NACAD: variants seen among roughly 807,000 people sequenced by gnomAD.
NACAD encodes NAC alpha domain containing.
In NACAD, 47 loss-of-function variants were observed where a neutral mutation model predicts 98.9. The observed-to-expected ratio is 0.48, with a 90% CI of 0.38 to 0.61. The LOEUF (loss-of-function observed/expected upper bound fraction) is 0.61. NACAD is among the 20% of genes least tolerant of loss of function. The pLI is 0.00. For synonymous variants in NACAD, 696 were observed against 767.2 expected (o/e 0.91, Z 1.53); for missense variants, 1,412 against 1,748.2 (o/e 0.81, Z 3.43).
At chr7:45,087,812 G>A (rs1369166080) in intron 1 of NACAD, among the ~76,000 whole-genome samples, 6 of 152,216 alleles carry the variant, frequency 3.9e-5, no homozygotes, top group African/African-American at 1.4e-4. Flanking sequence ...GCATCACTGG[G>A]TGCCCTGAAG....
At position 45,085,993 on chromosome 7, in the gene NACAD, C is replaced by A. The variant is rs1371153809; in HGVS notation, c.187G>T (p.Ala63Ser). 1 of 1,536,520 alleles carries A rather than the reference C, an allele frequency of 6.5e-7. No homozygotes were observed. The highest frequency in any genetic ancestry group is 8.7e-7 in the Non-Finnish European group (1 of 1,143,214). ...CTGGCTCCCTCGGGCTGGGGCCGGG[C>A]ACCCGGCTTGCTGGGCAGGAACGTG... ...ALTFLPSKPG[A>S]RPQPEGASWD... Residue 63 changes from alanine (A) to serine (S), a missense_variant, in exon 2 of 8, where the codon GCC becomes TCC. Physicochemically the swap from Ala to Ser is moderately conservative, Grantham distance 99. Transcript: ENST00000490531. This position sits in a 1 kb window ranked among gnomAD's most constrained non-coding sequence, Gnocchi z 6.1.
At chr7:45,081,695 CA>C in intron 3 of NACAD, 23 bp from the exon 4 acceptor site, 1 of 1,551,388 alleles carries the variant, frequency 6.4e-7, no homozygotes, top group Non-Finnish European at 8.7e-7. Flanking sequence ...GAGGGCTGAG[CA>C]TCCATGGGTG....
At position 45,082,210 on chromosome 7, in the gene NACAD, G is replaced by A; in HGVS notation, c.3970C>T (p.Pro1324Ser). 6.5e-7 allele frequency: 1 copy of A among 1,537,854 alleles called. No individual in the cohort carries two copies. The highest frequency in any genetic ancestry group is 1.2e-5 in the South Asian group (1 of 82,630). Residue 1324 changes from proline (P) to serine (S), a missense_variant, in exon 2 of 8, where the codon CCG (proline) becomes TCG (serine). Around this residue, in one of 5 missense-constraint regions of NACAD, gnomAD observed 572 missense variants for 639.6 expected, o/e 0.89. Coordinates refer to ENST00000490531, the MANE Select transcript of NACAD (RefSeq NM_001146334.2). The surrounding 1 kb of genome is among the most constrained non-coding windows in gnomAD (Gnocchi z 4.5). ...GAGGGAGGAGGCACTTGGCAAGGCG[G>A]CAAGATCTGCAAGGCCAGGTCTTTG... The part of the protein sequence containing the change: ...DAKDLALQIL[P>S]PCQVPPPSGP...
Position 45,085,045 on chromosome 7 carries a change from C to T in NACAD, c.1135G>A (p.Ala379Thr). Reference protein sequence around the residue: ...SITEGMDEAFAFRDDTSAASS... With the variant: ...SITEGMDEAFTFRDDTSAASS... ...GCTGCAGAGGTGTCGTCCCGGAAGG[C>T]AAAAGCCTCGTCCATGCCCTCCGTG... Residue 379 changes from alanine to threonine, a missense_variant, in exon 2 of 8, where the codon GCC (alanine) becomes ACC (threonine). Physicochemically the swap from Ala to Thr is moderately conservative, Grantham distance 58 (BLOSUM62 0). Transcript: ENST00000490531. This position sits in a 1 kb window ranked among gnomAD's most constrained non-coding sequence, Gnocchi z 6.1. 6.4e-7 allele frequency: 1 copy of T among 1,550,940 alleles called. No homozygotes were observed. Among genetic ancestry groups the T allele is most frequent in the Non-Finnish European group, 8.7e-7 (1 of 1,146,864 alleles).
chr7:45,082,971 T>C lies in NACAD; in HGVS notation c.3209A>G (p.Gln1070Arg). The C allele has an allele frequency of 6.4e-7, 1 of 1,551,002 alleles. No homozygotes were observed. The highest frequency in any genetic ancestry group is 8.7e-7 in the Non-Finnish European group (1 of 1,146,986). Residue 1070 changes from glutamine (Q) to arginine (R), a missense_variant, in exon 2 of 8, where the codon CAA (glutamine) becomes CGA (arginine). Coordinates refer to ENST00000490531, the MANE Select transcript of NACAD (RefSeq NM_001146334.2). This position sits in a 1 kb window ranked among gnomAD's most constrained non-coding sequence, Gnocchi z 4.5. ...TGDGAKPDSP[Q>R]KETLEVENQQ... The stretch of plus-strand genomic sequence containing the variant: ...GTTCTCAACCTCCAGGGTCTCCTTT[T>C]GGGGTGAGTCAGGCTTAGCCCCATC...
rs1430016187 is a variant in NACAD, at chr7:45,082,180, G to T, written c.4000C>A (p.Pro1334Thr). 6.6e-7 allele frequency: 1 copy of T among 1,521,964 alleles called. No homozygotes were observed. Among genetic ancestry groups the T allele is most frequent in the South Asian group, 1.3e-5 (1 of 79,060 alleles). 94.3% of individuals were successfully genotyped at this position (1,521,964 alleles called of 1,614,324 possible). Residue 1334 changes from proline to threonine, a missense_variant, in exon 2 of 8, where the codon CCC (proline) becomes ACC (threonine). By Grantham distance (38) the Pro-to-Thr change is conservative. Coordinates refer to ENST00000490531, the MANE Select transcript of NACAD (RefSeq NM_001146334.2). This position sits in a 1 kb window ranked among gnomAD's most constrained non-coding sequence, Gnocchi z 4.5. The part of the protein sequence containing the change: ...PPCQVPPPSG[P>T]QSPAGPQGLS... Reference sequence around the variant, plus strand: ...CCTTGAGGGCCAGCTGGGCTCTGGGGCCCAGAGGGAGGAGGCACTTGGCAA... The same window carrying T: ...CCTTGAGGGCCAGCTGGGCTCTGGGTCCCAGAGGGAGGAGGCACTTGGCAA...
In NACAD at chr7:45,085,035, T is replaced by C; in HGVS notation, c.1145A>G (p.Asp382Gly). 1.3e-6 allele frequency: 2 copies of C among 1,550,676 alleles called. No individual in the cohort carries two copies. Among genetic ancestry groups the C allele is most frequent in the Middle Eastern group, 3.3e-4 (2 of 5,990 alleles). Reference protein sequence around the residue: ...EGMDEAFAFRDDTSAASSDSD... With the variant: ...EGMDEAFAFRGDTSAASSDSD... ...ATCAGAGGAGGCTGCAGAGGTGTCG[T>C]CCCGGAAGGCAAAAGCCTCGTCCAT... The change falls in exon 2 of 8, where the codon GAC becomes GGC. Residue 382 changes from aspartate to glycine, a missense_variant. By Grantham distance (94) the Asp-to-Gly change is moderately conservative. This residue lies in a region of NACAD where 638 missense variants were observed against 722.7 expected (regional missense o/e 0.88). Transcript: ENST00000490531. This position sits in a 1 kb window ranked among gnomAD's most constrained non-coding sequence, Gnocchi z 6.1.
Position 45,084,773 on chromosome 7 carries a change from T to C in NACAD, c.1407A>G (p.Thr469=). Residue 469 remains threonine (T), a synonymous_variant, in exon 2 of 8, where the codon ACA becomes ACG. Transcript: ENST00000490531. ...CCTGGCCTAAAGCAAGGCCCTCTTC[T>C]GTTACTTCTGAGATCAATTCCTGTC... ...SQRQELISEV[T]EEGLALGQES... is the part of the protein sequence containing the mutation. 1.9e-6 allele frequency: 3 copies of C among 1,551,150 alleles called. No individual in the cohort carries two copies. Among genetic ancestry groups the C allele is most frequent in the Non-Finnish European group, 2.6e-6 (3 of 1,146,936 alleles).
At position 45,082,265 on chromosome 7, in the gene NACAD, G is replaced by A. The variant is rs181426702; in HGVS notation, c.3915C>T (p.Leu1305=). 844 of 1,550,652 alleles carry A rather than the reference G, an allele frequency of 5.4e-4. 9 individuals carry two copies. In the African/African-American group the frequency reaches 0.011, roughly 20 times the overall value. Residue 1305 remains leucine, a synonymous_variant, in exon 2 of 8, where the codon CTC becomes CTT. Coordinates refer to ENST00000490531, the MANE Select transcript of NACAD (RefSeq NM_001146334.2). This position sits in a 1 kb window ranked among gnomAD's most constrained non-coding sequence, Gnocchi z 4.5. ...PRVSLSPHSP[L]LSPKVASMDA... ...CCATGGAGGCCACCTTGGGGCTGAG[G>A]AGTGGGGAGTGAGGCGAGAGGCTGA... is the stretch of plus-strand genomic sequence containing the variant.
chr7:45,084,637 C>A lies in NACAD; in HGVS notation c.1543G>T (p.Ala515Ser). 6.4e-7 allele frequency: 1 copy of A among 1,551,544 alleles called. No homozygotes were observed. Among genetic ancestry groups the A allele is most frequent in the East Asian group, 2.4e-5 (1 of 40,910 alleles). Residue 515 changes from alanine to serine, a missense_variant, in exon 2 of 8, where the codon GCT (alanine) becomes TCT (serine). Around this residue, in one of 5 missense-constraint regions of NACAD, gnomAD observed 638 missense variants for 722.7 expected, o/e 0.88. Transcript: ENST00000490531. ...QAGEEETDSTAGQESAAMAMP... is the reference protein window; with the variant it reads ...QAGEEETDSTSGQESAAMAMP... ...GCCATGGCAGCAGATTCTTGTCCAG[C>A]GGTGGAGTCTGTTTCTTCCTCCCCA...
intron 1 of NACAD, among the ~76,000 whole-genome samples, chr7:45,087,777 A>C (rs531353240): frequency 6.6e-6 from 1 of 152,324 alleles, no homozygotes. Context: ...GACACCCAAC[A>C]TCAGGAGTGG....
chr7:45,082,299 C>T lies in NACAD; in HGVS notation c.3881G>A (p.Gly1294Glu), dbSNP rs1000339945. The T allele has an allele frequency of 1.9e-5, 30 of 1,550,606 alleles. No individual in the cohort carries two copies. The highest frequency in any genetic ancestry group is 2.4e-5 in the Non-Finnish European group (27 of 1,146,960). ...VSGTTQPLGT[G>E]PRVSLSPHSP... is the part of the protein sequence containing the mutation. The stretch of plus-strand genomic sequence containing the variant: ...GTGAGGCGAGAGGCTGACTCGCGGC[C>T]CAGTCCCCAGAGGCTGTGTGGTTCC... The change falls in exon 2 of 8, where the codon GGG (glycine) becomes GAG (glutamate). Residue 1294 changes from glycine (G) to glutamate (E), a missense_variant. Physicochemically the swap from Gly to Glu is moderately conservative, Grantham distance 98. This residue lies in a region of NACAD where 572 missense variants were observed against 639.6 expected (regional missense o/e 0.89). Transcript: ENST00000490531. The surrounding 1 kb of genome is among the most constrained non-coding windows in gnomAD (Gnocchi z 4.5).
In NACAD at chr7:45,082,527, CTGGGCTGACCCTTGGCA is replaced by C; in HGVS notation, c.3636_3652del (p.Ala1213HisfsTer10). On this transcript the variant is annotated frameshift_variant, in exon 2 of 8. Transcript: ENST00000490531. LOFTEE classifies it high-confidence loss of function. This position sits in a 1 kb window ranked among gnomAD's most constrained non-coding sequence, Gnocchi z 4.5. ...GCCCAGGGGCCTGTCCACGGGCGTG[CTGGGCTGACCCTTGGCA>C]AGGTTTTCTGGGGGCTGCAGCAAGG... is the stretch of plus-strand genomic sequence containing the variant. 6.5e-7 allele frequency: 1 copy of C among 1,549,330 alleles called. No individual in the cohort carries two copies. Among genetic ancestry groups the C allele is most frequent in the Non-Finnish European group, 8.7e-7 (1 of 1,146,608 alleles).
chr7:45,081,698 C>A (rs373914605), intron 3 of NACAD, 26 bp from the exon 4 acceptor site: 184 of 1,551,200 alleles, frequency 1.2e-4, no homozygotes, highest in Non-Finnish European at 1.6e-4. Flanking sequence ...GGCTGAGCAT[C>A]CATGGGTGGG....
intron 4 of NACAD, 152 bp from the exon 5 acceptor site, chr7:45,081,415 A>G (rs781288558): frequency 1.3e-5 from 16 of 1,275,802 alleles, no homozygotes; most frequent in Non-Finnish European, 1.6e-5. Flanking sequence ...GCCTCAGTCT[A>G]TAAGGGCCTT....
Position 45,088,410 on chromosome 7 carries a change from G to A in NACAD, c.67+418C>T, listed in dbSNP as rs187554937. On this transcript the variant is annotated intron_variant, in intron 1 of 7. Coordinates refer to ENST00000490531, the MANE Select transcript of NACAD (RefSeq NM_001146334.2). This position sits in a 1 kb window ranked among gnomAD's most constrained non-coding sequence, Gnocchi z 5.7. Reference sequence around the variant, plus strand: ...GGCCCAGGACAGACCGGGTGCAACTGAGGACCCTCCCGGTGGTCACCTGAT... The same window carrying A: ...GGCCCAGGACAGACCGGGTGCAACTAAGGACCCTCCCGGTGGTCACCTGAT... Among the ~76,000 whole-genome samples, 52 of 152,278 alleles carry A rather than the reference G, an allele frequency of 3.4e-4. 1 individual carries two copies. The highest frequency in any genetic ancestry group is 3.4e-3 in the Admixed American group (52 of 15,300).
chr7:45,081,672 C>T lies in NACAD; in HGVS notation c.4186G>A (p.Ala1396Thr). ...APQTVQCPAQ[A>T]PAGGSEETIA... ...GTCTCCTCACTGCCGCCTGCTGGGG[C>T]CTGAGAAAAGGTGAGGGCTGAGCAT... Residue 1396 changes from alanine (A) to threonine (T), a missense_variant and splice_region_variant, in exon 4 of 8, where the codon GCC becomes ACC. Coordinates refer to ENST00000490531, the MANE Select transcript of NACAD (RefSeq NM_001146334.2). 6.4e-7 allele frequency: 1 copy of T among 1,551,450 alleles called. No individual in the cohort carries two copies. Among genetic ancestry groups the T allele is most frequent in the Non-Finnish European group, 8.7e-7 (1 of 1,147,002 alleles).
Position 45,088,225 on chromosome 7 carries a change from T to C in NACAD, c.67+603A>G, listed in dbSNP as rs1458147162. Among the ~76,000 whole-genome samples the C allele has an allele frequency of 3.3e-5, 5 of 152,156 alleles. No homozygotes were observed. The highest frequency in any genetic ancestry group is 1.5e-5 in the Non-Finnish European group (1 of 68,014). On this transcript the variant is annotated intron_variant, in intron 1 of 7. Transcript: ENST00000490531. This position sits in a 1 kb window ranked among gnomAD's most constrained non-coding sequence, Gnocchi z 5.7. ...TTTGTTGACCCAGCCTAAGGACAGG[T>C]GGTCTGCACACCCAGGGCCATTGCT...
chr7:45,082,672 C>T lies in NACAD; in HGVS notation c.3508G>A (p.Ala1170Thr), dbSNP rs781081675. The change falls in exon 2 of 8, where the codon GCG (alanine) becomes ACG (threonine). Residue 1170 changes from alanine (A) to threonine (T), a missense_variant. Transcript: ENST00000490531. The surrounding 1 kb of genome is among the most constrained non-coding windows in gnomAD (Gnocchi z 4.5). ...GTTGGTGCAGACGTGGGGGCAGGCG[C>T]GTCAGGGCAGCCTCTGTCCAGACTG... ...VSSLDRGCPD[A>T]PAPTSAPTSQ... 30 of 1,506,604 alleles carry T rather than the reference C, an allele frequency of 2.0e-5. No individual in the cohort carries two copies. Among genetic ancestry groups the T allele is most frequent in the African/African-American group, 7.0e-5 (5 of 71,914 alleles). 93.3% of individuals were successfully genotyped at this position (1,506,604 alleles called of 1,614,324 possible). A position where few individuals can be genotyped will look rare whatever the true frequency, so the allele number is the denominator to read the frequency against.
Sources: gnomAD v4.1 joint callset for allele counts (sites outside exome capture counted in the v4.1 genomes callset) on GRCh38, gnomAD v4.1.1 for gene constraint, gnomAD v4.1.1 regional missense constraint, Gnocchi (gnomAD v3.1) non-coding constraint, MANE v1.5 for transcripts, NCBI Gene and HGNC (gene_info 2026-07-23, HGNC 2026-07-21) for gene names.